PSMA7: variants seen among roughly 807,000 people sequenced by gnomAD.
PSMA7 encodes proteasome subunit alpha type-7.
Under a neutral mutation model 31.3 loss-of-function variants are expected in PSMA7, and 5 were observed. That is an observed-to-expected ratio of 0.16 (90% confidence interval 0.08 to 0.34). PSMA7 has a LOEUF of 0.34. PSMA7 is among the 10% of genes least tolerant of loss of function. The probability of loss-of-function intolerance (pLI) is 1.00; values close to 1 mark genes in which losing one functional copy is unlikely to be tolerated. For missense variants in PSMA7, 217 were observed against 327.5 expected, an observed-to-expected ratio of 0.66 and a Z score of 2.60; for synonymous variants, 155 against 121.9, an observed-to-expected ratio of 1.27 and a Z score of -1.79.
Position 62,138,987 on chromosome 20 carries a change from A to G in PSMA7, c.471+88T>C. ...CTTAAACTGACTCATTCACTGATAC[A>G]GGGCCTACAGCAGGAAGCCCAGGAC... On this transcript the variant is annotated intron_variant, in intron 4 of 6. Coordinates refer to ENST00000370873, the MANE Select transcript of PSMA7 (RefSeq NM_002792.4). 2.7e-6 allele frequency: 4 copies of G among 1,496,576 alleles called. No homozygotes were observed. The Admixed American group carries it at 6.0e-5, about 22-fold the overall frequency. The allele number at this position is 1,496,576 out of a possible 1,614,324, so 92.7% of individuals were successfully genotyped here.
chr20:62,136,957 A>G lies in PSMA7; in HGVS notation c.655-8T>C. On this transcript the variant is annotated splice_polypyrimidine_tract_variant and splice_region_variant and intron_variant, in intron 6 of 6. Transcript: ENST00000370873. ...TTCTTCAGGATTTAAAATCTATAGA[A>G]AAAAACTTCATGGTTACCTAAGCCA... is the stretch of plus-strand genomic sequence containing the variant. 7 of 1,596,418 alleles carry G rather than the reference A, an allele frequency of 4.4e-6. No homozygotes were observed. Among genetic ancestry groups the G allele is most frequent in the Non-Finnish European group, 6.0e-6 (7 of 1,175,148 alleles).
chr20:62,137,242 C>T lies in PSMA7; in HGVS notation c.654+122G>A, dbSNP rs2056900680. 6.4e-6 allele frequency: 7 copies of T among 1,085,762 alleles called. No individual in the cohort carries two copies. The Admixed American group carries it at 8.4e-5, about 13-fold the overall frequency. 67.3% of individuals were successfully genotyped at this position (1,085,762 alleles called of 1,614,324 possible). ...TGACGTATGGGGAGCCTCAGAAAGA[C>T]ATTTTCCTAATGTTAAAACCACAGA... On this transcript the variant is annotated intron_variant, in intron 6 of 6. Transcript: ENST00000370873.
intron 1 of PSMA7, among the ~76,000 whole-genome samples, chr20:62,141,674 T>C (rs1310786265): frequency 6.6e-6 from 1 of 152,214 alleles, no homozygotes; most frequent in East Asian, 1.9e-4. Context: ...AGTGTTTCTG[T>C]AGTTGTGAAA....
In PSMA7 at chr20:62,139,920, G is replaced by C; in HGVS notation, c.224-15C>G. On this transcript the variant is annotated splice_polypyrimidine_tract_variant and intron_variant, in intron 2 of 6. Transcript: ENST00000370873. ...GGCGGTGAGGCCTGCAAGGAAAGCAGAGAGGCTTCTGCTAGAGAGACAGCA... is the reference window on the plus strand; with the variant it reads ...GGCGGTGAGGCCTGCAAGGAAAGCACAGAGGCTTCTGCTAGAGAGACAGCA... 6.2e-7 allele frequency: 1 copy of C among 1,611,972 alleles called. No homozygotes were observed. The highest frequency in any genetic ancestry group is 8.5e-7 in the Non-Finnish European group (1 of 1,179,506).
rs1334863573 is a variant in PSMA7, at chr20:62,138,202, G to A, written c.560C>T (p.Thr187Ile). 1 of 1,614,078 alleles carries A rather than the reference G, an allele frequency of 6.2e-7. No individual in the cohort carries two copies. The highest frequency in any genetic ancestry group is 8.5e-7 in the Non-Finnish European group (1 of 1,180,046). Residue 187 changes from threonine to isoleucine, a missense_variant, in exon 5 of 7, where the codon ACC (threonine) becomes ATC (isoleucine). By Grantham distance (89) the Thr-to-Ile change is moderately conservative. Transcript: ENST00000370873. Reference protein sequence around the residue: ...TDEAIETDDLTIKLVIKALLE... With the variant: ...TDEAIETDDLIIKLVIKALLE... ...GAGTGCCTTGATCACCAGCTTAATG[G>A]TCAGATCATCTGTTTCAATGGCTTC...
intron 4 of PSMA7, among the ~76,000 whole-genome samples, 189 bp from the exon 5 acceptor site, chr20:62,138,479 G>A (rs956051350): frequency 6.6e-6 from 1 of 151,892 alleles, no homozygotes; most frequent in African/African-American, 2.4e-5. Flanking sequence ...CTTTAGAGTT[G>A]ATGCTGATTC....
intron 1 of PSMA7, among the ~76,000 whole-genome samples, chr20:62,142,984 T>A (rs1342843388): frequency 6.7e-6 from 1 of 149,746 alleles, no homozygotes; most frequent in Admixed American, 6.6e-5. Flanking sequence ...AGGCGCTGAG[T>A]GGGGAGAACG....
chr20:62,141,815 G>A (rs769771490), intron 1 of PSMA7, among the ~76,000 whole-genome samples: 4 of 152,238 alleles, frequency 2.6e-5, no homozygotes, highest in Non-Finnish European at 5.9e-5. Context: ...GCTGATGCTG[G>A]AGAAGGATAT....
chr20:62,138,235 T>G lies in PSMA7; in HGVS notation c.527A>C (p.Tyr176Ser). The G allele has an allele frequency of 1.2e-6, 2 of 1,614,156 alleles. No individual in the cohort carries two copies. Among genetic ancestry groups the G allele is most frequent in the Non-Finnish European group, 1.7e-6 (2 of 1,179,966 alleles). The change falls in exon 5 of 7, where the codon TAT becomes TCT. Residue 176 changes from tyrosine (Y) to serine (S), a missense_variant. Coordinates refer to ENST00000370873, the MANE Select transcript of PSMA7 (RefSeq NM_002792.4). ...KSVREFLEKN[Y>S]TDEAIETDDL... ...ATCTGTTTCAATGGCTTCGTCAGTA[T>G]AGTTCTTCTCCAGGAACTCGCGCAC...
intron 5 of PSMA7, 97 bp downstream of exon 5, chr20:62,138,074 G>A: frequency 6.5e-7 from 1 of 1,533,756 alleles, no homozygotes. Flanking sequence ...CATTACTGCT[G>A]GATCCTTGCC....
chr20:62,137,604 T>A, intron 5 of PSMA7, 178 bp from the exon 6 acceptor site: 1 of 646,454 alleles, frequency 1.5e-6, no homozygotes, highest in Non-Finnish European at 2.8e-6. Flanking sequence ...GAAGTCTGTT[T>A]GGGATGCCTG....
chr20:62,139,600 G>A (rs1333216648), intron 3 of PSMA7, 181 bp downstream of exon 3: 3 of 989,726 alleles, frequency 3.0e-6, no homozygotes, highest in Non-Finnish European at 4.6e-6. Flanking sequence ...ACTGAGAACA[G>A]AACAATGTTA....
At chr20:62,140,983 T>C (rs372796253) in intron 1 of PSMA7, 39 bp from the exon 2 acceptor site, 89 of 1,611,722 alleles carry the variant, frequency 5.5e-5, no homozygotes, top group Non-Finnish European at 7.0e-5. Context: ...GAAAGTGATA[T>C]GAGTGCTGGG....
chr20:62,138,240 C>A lies in PSMA7; in HGVS notation c.522G>T (p.Lys174Asn), dbSNP rs769689513. 1.2e-6 allele frequency: 2 copies of A among 1,614,030 alleles called. No homozygotes were observed. Among genetic ancestry groups the A allele is most frequent in the South Asian group, 1.1e-5 (1 of 91,068 alleles). Residue 174 changes from lysine (K) to asparagine (N), a missense_variant, in exon 5 of 7, where the codon AAG becomes AAT. By Grantham distance (94) the Lys-to-Asn change is moderately conservative (BLOSUM62 0). This residue lies in a region of PSMA7 where 88 missense variants were observed against 111.6 expected (regional missense o/e 0.79). Coordinates refer to ENST00000370873, the MANE Select transcript of PSMA7 (RefSeq NM_002792.4). ...TTTCAATGGCTTCGTCAGTATAGTT[C>A]TTCTCCAGGAACTCGCGCACTGACT... is the stretch of plus-strand genomic sequence containing the variant. The part of the protein sequence containing the change: ...GAKSVREFLE[K>N]NYTDEAIETD...
intron 2 of PSMA7, 102 bp from the exon 3 acceptor site, chr20:62,140,007 A>C: frequency 2.1e-6 from 3 of 1,414,206 alleles, no homozygotes; most frequent in Non-Finnish European, 2.8e-6. Flanking sequence ...GACCCCCCAA[A>C]CCGGCAGCAA....
At chr20:62,137,106 A>G (rs1206234347) in intron 6 of PSMA7, among the ~76,000 whole-genome samples, 157 bp from the exon 7 acceptor site, 1 of 106,366 alleles carries the variant, frequency 9.4e-6, no homozygotes, top group Non-Finnish European at 2.4e-5. Context: ...CCTGACCTAG[A>G]CAAGTATTAA....
At chr20:62,139,714 AC>A in intron 3 of PSMA7, 66 bp downstream of exon 3, 1 of 1,611,816 alleles carries the variant, frequency 6.2e-7, no homozygotes, top group Non-Finnish European at 8.5e-7. Context: ...ACATGGCAGG[AC>A]CCTCCATGGC....
At chr20:62,137,012 T>G in intron 6 of PSMA7, 63 bp from the exon 7 acceptor site, 2 of 1,571,402 alleles carry the variant, frequency 1.3e-6, no homozygotes, top group Non-Finnish European at 1.7e-6. Context: ...AGCGCCCTCT[T>G]CTGGGGAGGG....
intron 6 of PSMA7, 125 bp from the exon 7 acceptor site, chr20:62,137,074 A>G: frequency 7.6e-7 from 1 of 1,308,436 alleles, no homozygotes; most frequent in Non-Finnish European, 1.1e-6. Context: ...GAGGAACCTC[A>G]AGAAAAACAA....
Sources: allele counts gnomAD v4.1 joint callset (sites outside exome capture counted in the v4.1 genomes callset), GRCh38; gene constraint gnomAD v4.1.1; regional missense constraint gnomAD v4.1.1; transcripts MANE v1.5; gene names NCBI Gene and HGNC (gene_info 2026-07-23, HGNC 2026-07-21).